Variants in SLC27A6 observed in about 807,000 individuals in gnomAD.
The protein encoded by SLC27A6 is long-chain fatty acid transport protein 6.
In SLC27A6, 74 loss-of-function variants were observed where a neutral mutation model predicts 63.9. The ratio of observed to expected loss-of-function variants is 1.16; its 90% CI spans 0.96 to 1.40. The LOEUF is 1.40. Among genes scored for constraint, SLC27A6 ranks in the 40% most tolerant of loss-of-function variants. The probability of loss-of-function intolerance (pLI) is 0.00; values close to 1 mark genes in which losing one functional copy is unlikely to be tolerated. For missense variants in SLC27A6, 794 were observed against 732.9 expected, an observed-to-expected ratio of 1.08 and a Z score of -0.96; for synonymous variants, 287 against 260.8, an observed-to-expected ratio of 1.10 and a Z score of -0.97.
chr5:129,022,787 T>G (rs909403343), intron 5 of SLC27A6, among the ~76,000 whole-genome samples: 1 of 152,104 alleles, frequency 6.6e-6, no homozygotes, highest in Non-Finnish European at 1.5e-5. Context: ...TTCTCATCAC[T>G]GCACTGTAGC....
At chr5:129,017,506 C>G (rs954931015) in intron 5 of SLC27A6, among the ~76,000 whole-genome samples, 1 of 151,666 alleles carries the variant, frequency 6.6e-6, no homozygotes, top group Non-Finnish European at 1.5e-5. Context: ...CTAAAATAAA[C>G]TCAAAGGAAA....
At chr5:128,989,663 G>A (rs1479063158) in intron 3 of SLC27A6, among the ~76,000 whole-genome samples, 2 of 152,134 alleles carry the variant, frequency 1.3e-5, no homozygotes, top group South Asian at 2.1e-4. Context: ...AGTGGCTCAT[G>A]CCTGTAATCC....
chr5:129,023,795 G>T lies in SLC27A6; in HGVS notation c.1255+85G>T, dbSNP rs577098534. On this transcript the variant is annotated intron_variant, in intron 6 of 9. Coordinates refer to ENST00000262462, the MANE Select transcript of SLC27A6 (RefSeq NM_001017372.3). The stretch of plus-strand genomic sequence containing the variant: ...CATCCCTTGGTATCCTTGGGGGATT[G>T]GTTCCAGGACCCCGGGTAGACACCA... 5.9e-5 allele frequency: 57 copies of T among 966,454 alleles called. No individual in the cohort carries two copies. The African/African-American group carries it at 7.3e-4, about 12-fold the overall frequency. 59.9% of individuals were successfully genotyped at this position (966,454 alleles called of 1,614,324 possible).
At chr5:129,003,076 G>A (rs538784300) in intron 4 of SLC27A6, among the ~76,000 whole-genome samples, 1 of 152,254 alleles carries the variant, frequency 6.6e-6, no homozygotes, top group South Asian at 2.1e-4. Flanking sequence ...ATATGCCTCT[G>A]TATGTCTAGT....
intron 4 of SLC27A6, among the ~76,000 whole-genome samples, chr5:129,010,234 T>G (rs1751685095): frequency 3.3e-5 from 5 of 152,200 alleles, no homozygotes; most frequent in Admixed American, 3.3e-4. Flanking sequence ...ATCTTTGTTT[T>G]GAGGTATAGC....
At chr5:129,024,876 AT>A (rs916671618) in intron 6 of SLC27A6, among the ~76,000 whole-genome samples, 22 of 152,192 alleles carry the variant, frequency 1.4e-4, no homozygotes, top group African/African-American at 5.1e-4. Context: ...AAAGACTAAA[AT>A]AAAAAATGCA....
At chr5:128,983,169 A>G (rs1750649965) in intron 1 of SLC27A6, among the ~76,000 whole-genome samples, 1 of 152,218 alleles carries the variant, frequency 6.6e-6, no homozygotes, top group Non-Finnish European at 1.5e-5. Context: ...ATTCAAACTC[A>G]AAGCAGAATA....
chr5:129,011,024 AAC>A (rs1751708924), intron 4 of SLC27A6, among the ~76,000 whole-genome samples: 1 of 152,218 alleles, frequency 6.6e-6, no homozygotes, highest in African/African-American at 2.4e-5. Flanking sequence ...ATGTTACTAT[AAC>A]ACAACATTTA....
chr5:128,985,085 T>C (rs769821073), intron 1 of SLC27A6, 48 bp from the exon 2 acceptor site: 16 of 1,378,968 alleles, frequency 1.2e-5, no homozygotes, highest in South Asian at 1.2e-5. Flanking sequence ...AAGTGAATTG[T>C]TTGAGATTTA....
At chr5:128,987,937 T>A (rs1464524160) in intron 2 of SLC27A6, among the ~76,000 whole-genome samples, 1 of 152,070 alleles carries the variant, frequency 6.6e-6, no homozygotes. Flanking sequence ...TGAAAAAGCC[T>A]AAAAATTTCC....
At chr5:129,028,935 C>A (rs1752333655) in intron 8 of SLC27A6, among the ~76,000 whole-genome samples, 2 of 151,762 alleles carry the variant, frequency 1.3e-5, no homozygotes, top group African/African-American at 4.8e-5. Context: ...GAAAAGTGAC[C>A]AATTTGAAGT....
chr5:128,999,979 G>T (rs1311161260), intron 4 of SLC27A6, among the ~76,000 whole-genome samples: 1 of 152,180 alleles, frequency 6.6e-6, no homozygotes, highest in Non-Finnish European at 1.5e-5. Context: ...GGAAAAGACT[G>T]GTTCAACTTT....
chr5:129,025,328 G>GA (rs201466015), intron 6 of SLC27A6, among the ~76,000 whole-genome samples: 318 of 147,308 alleles, frequency 2.2e-3, no homozygotes, highest in African/African-American at 4.8e-3. Flanking sequence ...TCCTAAAAAA[G>GA]AAAAAAAAAC....
intron 2 of SLC27A6, among the ~76,000 whole-genome samples, chr5:128,986,580 T>C (rs1317507748): frequency 6.6e-6 from 1 of 152,188 alleles, no homozygotes; most frequent in African/African-American, 2.4e-5. Context: ...ATAATTTTTT[T>C]TTACATGATT....
At chr5:129,002,226 G>A (rs548221197) in intron 4 of SLC27A6, among the ~76,000 whole-genome samples, 1 of 152,182 alleles carries the variant, frequency 6.6e-6, no homozygotes, top group African/African-American at 2.4e-5. Flanking sequence ...TTTGAATGTG[G>A]CTTACTCAAT....
chr5:129,023,017 T>C (rs1042267572), intron 5 of SLC27A6, among the ~76,000 whole-genome samples: 3 of 152,066 alleles, frequency 2.0e-5, no homozygotes, highest in Non-Finnish European at 4.4e-5. Context: ...TCTAATAAAT[T>C]TATCATCTCA....
At chr5:128,987,144 A>T (rs1238641714) in intron 2 of SLC27A6, among the ~76,000 whole-genome samples, 1 of 152,128 alleles carries the variant, frequency 6.6e-6, no homozygotes, top group Non-Finnish European at 1.5e-5. Flanking sequence ...AAATATGTAT[A>T]TATGTATATA....
intron 1 of SLC27A6, among the ~76,000 whole-genome samples, chr5:128,969,251 T>C (rs1750039179): frequency 6.6e-6 from 1 of 152,208 alleles, no homozygotes; most frequent in South Asian, 2.1e-4. Context: ...ATGCAGGCTC[T>C]TTTTTGGTTC....
intron 4 of SLC27A6, among the ~76,000 whole-genome samples, chr5:129,009,656 A>G (rs1016558712): frequency 1.4e-5 from 2 of 140,174 alleles, no homozygotes; most frequent in African/African-American, 5.4e-5. Flanking sequence ...ACTCCCCATC[A>G]TAGCTAACAT....
Sources: gnomAD v4.1 joint callset for allele counts (sites outside exome capture counted in the v4.1 genomes callset) on GRCh38, gnomAD v4.1.1 for gene constraint, MANE v1.5 for transcripts, NCBI Gene and HGNC (gene_info 2026-07-23, HGNC 2026-07-21) for gene names.